TMEM132B: variants seen among roughly 807,000 people sequenced by gnomAD.
The protein encoded by TMEM132B is transmembrane protein 132B.
A neutral mutation model predicts 90.8 loss-of-function variants in TMEM132B; 18 were observed. That is an observed-to-expected ratio of 0.20 (90% CI 0.14 to 0.29). The LOEUF is 0.29. Among genes scored for constraint, TMEM132B ranks in the 10% least tolerant of loss-of-function variants. The probability of loss-of-function intolerance (pLI) is 1.00; values close to 1 mark genes in which losing one functional copy is unlikely to be tolerated. For synonymous variants in TMEM132B, 504 were observed against 523.3 expected (o/e 0.96, Z 0.50); for missense variants, 1,096 against 1,326.8 (o/e 0.83, Z 2.70).
chr12:125,370,338 A>T (rs1878255457), intron 2 of TMEM132B, among the ~76,000 whole-genome samples: 1 of 152,202 alleles, frequency 6.6e-6, no homozygotes, highest in African/African-American at 2.4e-5. Flanking sequence ...AGTTGTAGTC[A>T]TCACATCTAT....
chr12:125,211,108 T>A (rs912895730), intron 1 of TMEM132B, among the ~76,000 whole-genome samples: 3 of 151,594 alleles, frequency 2.0e-5, no homozygotes, highest in Admixed American at 6.6e-5. Context: ...TATTTTTTCA[T>A]GGTTTAGATG....
At chr12:125,351,928 C>T (rs2136235915) in intron 2 of TMEM132B, among the ~76,000 whole-genome samples, 1 of 152,314 alleles carries the variant, frequency 6.6e-6, no homozygotes, top group Non-Finnish European at 1.5e-5. Context: ...AATAGGAAGC[C>T]AATGGAAAGA....
At chr12:125,642,802 C>A (rs1886663240) in intron 5 of TMEM132B, among the ~76,000 whole-genome samples, 1 of 152,188 alleles carries the variant, frequency 6.6e-6, no homozygotes, top group Admixed American at 6.5e-5. Flanking sequence ...ATCCCTGTGA[C>A]TGGGGATGCA....
At chr12:125,253,125 C>G (rs1052708363) in intron 1 of TMEM132B, among the ~76,000 whole-genome samples, 6 of 152,082 alleles carry the variant, frequency 3.9e-5, no homozygotes, top group Admixed American at 3.9e-4. Context: ...GAGGAAATGA[C>G]CCCCTCGTGG....
Position 125,437,732 on chromosome 12 carries a change from G to A in TMEM132B, c.1106+22055G>A, listed in dbSNP as rs143674902. On this transcript the variant is annotated intron_variant, in intron 3 of 8. Coordinates refer to ENST00000682704, the MANE Select transcript of TMEM132B (RefSeq NM_001366854.1). ...AGAAGCCAGACATCAAGGGCCACAT[G>A]GTGTGTGATTCCATATATATGAAAT... Among the ~76,000 whole-genome samples, 670 of 152,290 alleles carry A rather than the reference G, an allele frequency of 4.4e-3. 7 individuals carry two copies. Among genetic ancestry groups the A allele is most frequent in the African/African-American group, 0.015 (608 of 41,562 alleles).
At chr12:125,579,269 A>G (rs1250998169) in intron 4 of TMEM132B, among the ~76,000 whole-genome samples, 1 of 151,948 alleles carries the variant, frequency 6.6e-6, no homozygotes, top group Non-Finnish European at 1.5e-5. Flanking sequence ...CGGCTATTGC[A>G]CTTTTCAACT....
At chr12:125,420,954 C>T (rs1880150248) in intron 3 of TMEM132B, among the ~76,000 whole-genome samples, 1 of 152,176 alleles carries the variant, frequency 6.6e-6, no homozygotes, top group South Asian at 2.1e-4. Flanking sequence ...CAAAATGCCA[C>T]CAGTCTCTTT....
intron 2 of TMEM132B, among the ~76,000 whole-genome samples, chr12:125,377,764 A>G (rs1206974553): frequency 6.6e-6 from 1 of 152,068 alleles, no homozygotes; most frequent in Non-Finnish European, 1.5e-5. Context: ...TGTTTTCTTT[A>G]AAGAGAATCT....
chr12:125,644,019 T>C, intron 5 of TMEM132B, 57 bp from the exon 6 acceptor site: 1 of 1,529,314 alleles, frequency 6.5e-7, no homozygotes. Context: ...ACTGTTGTTG[T>C]TTTTTCCTTG....
At chr12:125,254,543 C>G (rs1406770819) in intron 1 of TMEM132B, among the ~76,000 whole-genome samples, 1 of 152,092 alleles carries the variant, frequency 6.6e-6, no homozygotes, top group Non-Finnish European at 1.5e-5. Flanking sequence ...GCCTCCTTAC[C>G]CATCACCTAC....
At chr12:125,513,391 A>C (rs917449507) in intron 3 of TMEM132B, among the ~76,000 whole-genome samples, 1 of 152,158 alleles carries the variant, frequency 6.6e-6, no homozygotes, top group Non-Finnish European at 1.5e-5. Flanking sequence ...TGTGCGAGAG[A>C]GTATCAACAT....
intron 1 of TMEM132B, among the ~76,000 whole-genome samples, chr12:125,348,649 T>C (rs927734226): frequency 6.6e-6 from 1 of 152,208 alleles, no homozygotes; most frequent in Admixed American, 6.5e-5. Flanking sequence ...TTTGTACTTA[T>C]TAACTCGTTA....
intron 4 of TMEM132B, among the ~76,000 whole-genome samples, chr12:125,565,037 G>A (rs975274963): frequency 1.3e-5 from 2 of 152,172 alleles, no homozygotes; most frequent in Non-Finnish European, 2.9e-5. Flanking sequence ...TTGGGGCCAG[G>A]CATTGTTCCA....
At chr12:125,278,694 A>G (rs1875074506) in intron 1 of TMEM132B, among the ~76,000 whole-genome samples, 1 of 152,146 alleles carries the variant, frequency 6.6e-6, no homozygotes, top group South Asian at 2.1e-4. Flanking sequence ...TTTTTATCAA[A>G]TGTTCATGTT....
chr12:125,503,618 T>G (rs752014660), intron 3 of TMEM132B, among the ~76,000 whole-genome samples: 1 of 152,350 alleles, frequency 6.6e-6, no homozygotes, highest in Non-Finnish European at 1.5e-5. Flanking sequence ...GTCCCTTTCC[T>G]TGGAATCCAG....
At chr12:125,431,468 G>A (rs1880502493) in intron 3 of TMEM132B, among the ~76,000 whole-genome samples, 1 of 152,190 alleles carries the variant, frequency 6.6e-6, no homozygotes, top group South Asian at 2.1e-4. Flanking sequence ...GGCAGAAGGT[G>A]AGAGTGTCAG....
At chr12:125,477,116 C>A (rs1490182595) in intron 3 of TMEM132B, among the ~76,000 whole-genome samples, 1 of 152,126 alleles carries the variant, frequency 6.6e-6, no homozygotes, top group African/African-American at 2.4e-5. Context: ...CTATTAGAAC[C>A]AGGCTCTCAT....
chr12:125,479,023 C>T (rs979853846), intron 3 of TMEM132B, among the ~76,000 whole-genome samples: 10 of 152,140 alleles, frequency 6.6e-5, no homozygotes, highest in South Asian at 4.2e-4. Context: ...GCTTCATAAG[C>T]GAAGGAGAAA....
At chr12:125,280,522 A>C (rs11058122) in intron 1 of TMEM132B, among the ~76,000 whole-genome samples, 9,521 of 152,316 alleles carry the variant, frequency 0.063, 1,016 homozygotes, top group African/African-American at 0.22. Context: ...CTGAGTGTCC[A>C]TCGCACCTGG....
Sources: allele counts gnomAD v4.1 joint callset (sites outside exome capture counted in the v4.1 genomes callset), GRCh38; gene constraint gnomAD v4.1.1; transcripts MANE v1.5; gene names NCBI Gene and HGNC (gene_info 2026-07-23, HGNC 2026-07-21).